The following FREM2 variants were observed in gnomAD, a reference collection of about 807,000 sequenced individuals.
The protein encoded by FREM2 is FRAS1 related extracellular matrix 2.
A neutral mutation model predicts 219.9 loss-of-function variants in FREM2; 119 were observed. That is an observed-to-expected ratio of 0.54 (90% CI 0.47 to 0.63). The LOEUF (loss-of-function observed/expected upper bound fraction) is 0.63. FREM2 is among the 30% of genes least tolerant of loss of function. The pLI, the probability that FREM2 is intolerant of heterozygous loss-of-function variation, is 0.00. For missense variants in FREM2, 4,030 were observed against 3,993.6 expected, an observed-to-expected ratio of 1.01 and a Z score of -0.25; for synonymous variants, 1,562 against 1,522.8, an observed-to-expected ratio of 1.03 and a Z score of -0.60.
chr13:38,806,280 A>C (rs1281028977), intron 6 of FREM2, among the ~76,000 whole-genome samples: 1 of 151,854 alleles, frequency 6.6e-6, no homozygotes, highest in African/African-American at 2.4e-5. Context: ...GTTTATGGAG[A>C]ATAGTTTTAT....
At chr13:38,739,154 A>G (rs1443750641) in intron 2 of FREM2, among the ~76,000 whole-genome samples, 2 of 152,222 alleles carry the variant, frequency 1.3e-5, no homozygotes, top group African/African-American at 4.8e-5. Context: ...GTAGAGTAGT[A>G]GTAGCAATCA....
At chr13:38,756,280 G>A (rs531490358) in intron 2 of FREM2, among the ~76,000 whole-genome samples, 1 of 152,156 alleles carries the variant, frequency 6.6e-6, no homozygotes, top group East Asian at 1.9e-4. Flanking sequence ...GCTCCTAGGG[G>A]AAATACAGGG....
At chr13:38,807,189 T>TTTTATATATA (rs1555268806) in intron 6 of FREM2, among the ~76,000 whole-genome samples, 1 of 45,378 alleles carries the variant, frequency 2.2e-5, no homozygotes, top group Non-Finnish European at 4.5e-5. Context: ...CTTGTCTCTG[T>TTTTATATATA]TATATATATA....
chr13:38,864,946 G>T (rs764834999), intron 16 of FREM2, among the ~76,000 whole-genome samples: 2 of 152,106 alleles, frequency 1.3e-5, no homozygotes, highest in Non-Finnish European at 2.9e-5. Flanking sequence ...TTGTTTTTGT[G>T]TTTATGTGTA....
In FREM2 at chr13:38,784,545, C is replaced by T; in HGVS notation, c.5768-12C>T. ...TCTACATAAAAATCTTTTGAATTCT[C>T]TCTGCTTCCAGGAACAGCAACTGGA... is the stretch of plus-strand genomic sequence containing the variant. On this transcript the variant is annotated splice_polypyrimidine_tract_variant and intron_variant, in intron 5 of 23. Transcript: ENST00000280481. 1 of 1,613,962 alleles carries T rather than the reference C, an allele frequency of 6.2e-7. No individual in the cohort carries two copies. The highest frequency in any genetic ancestry group is 8.5e-7 in the Non-Finnish European group (1 of 1,179,914).
intron 2 of FREM2, among the ~76,000 whole-genome samples, chr13:38,722,587 G>C (rs1411894269): frequency 6.6e-6 from 1 of 152,028 alleles, no homozygotes; most frequent in Admixed American, 6.6e-5. Flanking sequence ...TTCTAACACA[G>C]ATTGAGGGGC....
intron 6 of FREM2, among the ~76,000 whole-genome samples, chr13:38,785,588 G>C (rs116870802): frequency 0.019 from 2,882 of 152,308 alleles, 35 homozygotes; most frequent in Non-Finnish European, 0.029. Flanking sequence ...GGTTTGGAAA[G>C]AAGCTGGAAG....
At chr13:38,823,875 G>A (rs570465560) in intron 6 of FREM2, among the ~76,000 whole-genome samples, 30 of 152,184 alleles carry the variant, frequency 2.0e-4, no homozygotes, top group African/African-American at 7.0e-4. Flanking sequence ...GTGGCCCATA[G>A]TATTAAATTC....
At chr13:38,803,234 C>A (rs545980471) in intron 6 of FREM2, among the ~76,000 whole-genome samples, 1 of 152,242 alleles carries the variant, frequency 6.6e-6, no homozygotes, top group East Asian at 1.9e-4. Flanking sequence ...TGTTTTTGTG[C>A]TCACAGAGTG....
chr13:38,723,373 T>C (rs1019750962), intron 2 of FREM2, among the ~76,000 whole-genome samples: 1 of 152,014 alleles, frequency 6.6e-6, no homozygotes, highest in Non-Finnish European at 1.5e-5. Context: ...TATGATCAGA[T>C]TAATTTTTAA....
intron 2 of FREM2, among the ~76,000 whole-genome samples, chr13:38,707,624 T>G (rs1479884061): frequency 2.0e-5 from 3 of 152,162 alleles, no homozygotes; most frequent in East Asian, 3.9e-4. Flanking sequence ...ACTCTACTTA[T>G]CCAGCTGTTA....
At chr13:38,769,093 T>G (rs1177717837) in intron 3 of FREM2, among the ~76,000 whole-genome samples, 1 of 152,226 alleles carries the variant, frequency 6.6e-6, no homozygotes, top group Non-Finnish European at 1.5e-5. Flanking sequence ...CACTTTTTAT[T>G]ATTCCACTTG....
intron 2 of FREM2, among the ~76,000 whole-genome samples, chr13:38,700,783 G>A (rs1870314117): frequency 6.6e-6 from 1 of 152,012 alleles, no homozygotes; most frequent in Admixed American, 6.6e-5. Flanking sequence ...GGATAAGAGG[G>A]GGAACTCTTG....
chr13:38,688,782 C>G lies in FREM2; in HGVS notation c.1438C>G (p.Arg480Gly), dbSNP rs756426681. ...CGATGAGGATGACCTAGAAGCAGTG[C>G]GGCTAGAGGTGGTGGCTGGGCTCCG... ...ISDEDDLEAV[R>G]LEVVAGLRHG... The change falls in exon 1 of 24, where the codon CGG (arginine) becomes GGG (glycine). Residue 480 changes from arginine (R) to glycine (G), a missense_variant. Coordinates refer to ENST00000280481, the MANE Select transcript of FREM2 (RefSeq NM_207361.6). The G allele has an allele frequency of 6.2e-7, 1 of 1,614,004 alleles. No individual in the cohort carries two copies. Among genetic ancestry groups the G allele is most frequent in the East Asian group, 2.2e-5 (1 of 44,878 alleles).
chr13:38,879,130 T>A (rs919353373), intron 23 of FREM2, among the ~76,000 whole-genome samples, 153 bp downstream of exon 23: 1 of 152,244 alleles, frequency 6.6e-6, no homozygotes, highest in African/African-American at 2.4e-5. Flanking sequence ...GCAAATAAAC[T>A]ACATAACCCT....
In FREM2 at chr13:38,883,970, C is replaced by T. The variant is rs1878643429; in HGVS notation, c.*3183C>T. On this transcript the variant is annotated 3_prime_UTR_variant, in exon 24 of 24. Coordinates refer to ENST00000280481, the MANE Select transcript of FREM2 (RefSeq NM_207361.6). ...CCTTGTAGAGCTGTGGGTGGGACTGCACATTCTTTTCCTCTTAGTAAAAGA... is the reference window on the plus strand; with the variant it reads ...CCTTGTAGAGCTGTGGGTGGGACTGTACATTCTTTTCCTCTTAGTAAAAGA... 1 of 152,172 alleles carries T rather than the reference C, an allele frequency of 6.6e-6. No homozygotes were observed. The highest frequency in any genetic ancestry group is 2.1e-4 in the South Asian group (1 of 4,828). The allele number at this position is 152,172 out of a possible 1,614,324, so 9.4% of individuals were successfully genotyped here.
intron 2 of FREM2, among the ~76,000 whole-genome samples, chr13:38,740,224 A>G (rs1872185317): frequency 6.6e-6 from 1 of 152,218 alleles, no homozygotes. Flanking sequence ...GTTTGCTCAA[A>G]TACTTAGGCT....
rs149433243 is a variant in FREM2 at position 38,693,539 on chromosome 13, T to C, written c.5173+1022T>C. Among the ~76,000 whole-genome samples the C allele has an allele frequency of 3.2e-3, 489 of 152,280 alleles. 2 individuals carry two copies. Among genetic ancestry groups the C allele is most frequent in the African/African-American group, 0.011 (469 of 41,558 alleles). On this transcript the variant is annotated intron_variant, in intron 1 of 23. Transcript: ENST00000280481. ...ACTGGCTTGGGAGTCAGGGCTCCGT[T>C]CTGCAGAACATGCAACTTTCATTAC...
In FREM2 at chr13:38,723,098, G is replaced by A. The variant is rs1028496803; in HGVS notation, c.5263+25311G>A. ...ACAAATACAAAAATTAGCTGCATGTGGTGGTGCCCACCTGTAATCCCAGCT... is the reference window on the plus strand; with the variant it reads ...ACAAATACAAAAATTAGCTGCATGTAGTGGTGCCCACCTGTAATCCCAGCT... On this transcript the variant is annotated intron_variant, in intron 2 of 23. Transcript: ENST00000280481. 3.3e-5 allele frequency among the ~76,000 whole-genome samples: 5 copies of A among 151,970 alleles called. No individual in the cohort carries two copies. The South Asian group carries it at 6.2e-4, about 19-fold the overall frequency.
Sources: gnomAD v4.1 joint callset for allele counts (sites outside exome capture counted in the v4.1 genomes callset) on GRCh38, gnomAD v4.1.1 for gene constraint, MANE v1.5 for transcripts, NCBI Gene and HGNC (gene_info 2026-07-23, HGNC 2026-07-21) for gene names.